The following CLPB variants were observed in gnomAD, a reference collection of about 807,000 sequenced individuals.
The protein encoded by CLPB is ClpB family mitochondrial disaggregase, also known as mitochondrial disaggregase.
CLPB carries 40 observed loss-of-function variants against 78.4 expected under a neutral mutation model. The ratio of observed to expected loss-of-function variants is 0.51; its 90% CI spans 0.40 to 0.66. The LOEUF is 0.66. Ranked by LOEUF, CLPB falls within the 30% of genes least tolerant of loss-of-function variation. CLPB has a pLI of 0.00. For missense variants in CLPB, 780 were observed against 886.9 expected (o/e 0.88, Z 1.53); for synonymous variants, 333 against 348.0 (o/e 0.96, Z 0.48).
intron 2 of CLPB, among the ~76,000 whole-genome samples, chr11:72,412,640 A>G (rs936681170): frequency 3.3e-5 from 5 of 152,186 alleles, no homozygotes; most frequent in African/African-American, 1.2e-4. Flanking sequence ...ACCCTCTCTG[A>G]ACCTCAGTCA....
intron 2 of CLPB, among the ~76,000 whole-genome samples, chr11:72,418,203 C>CA (rs2135130072): frequency 6.6e-6 from 1 of 152,294 alleles, no homozygotes; most frequent in East Asian, 1.9e-4. Context: ...ATCAACGGGC[C>CA]AGACTCCATC....
rs750691360 is a variant in CLPB at position 72,430,406 on chromosome 11, T to C, written c.404-43A>G. ...ACTGGTCAGATCCGCGGCCAGGACA[T>C]ACCCATCTCAGGACTGCGTGGAGGG... On this transcript the variant is annotated intron_variant, in intron 1 of 15. Transcript: ENST00000538039. The C allele has an allele frequency of 5.6e-6, 9 of 1,598,682 alleles. No individual in the cohort carries two copies. The African/African-American group carries it at 9.4e-5, about 17-fold the overall frequency.
intron 3 of CLPB, among the ~76,000 whole-genome samples, chr11:72,387,219 T>C (rs1289242825): frequency 2.0e-5 from 3 of 152,166 alleles, no homozygotes; most frequent in South Asian, 2.1e-4. Context: ...TGTCTTACTA[T>C]AGAATGAAAA....
intron 7 of CLPB, among the ~76,000 whole-genome samples, chr11:72,308,847 G>A (rs1949792783): frequency 6.6e-6 from 1 of 152,178 alleles, no homozygotes; most frequent in East Asian, 1.9e-4. Flanking sequence ...TTTCCAGGAT[G>A]AGCACTCAGC....
intron 5 of CLPB, chr11:72,356,876 T>C (rs1453348302): frequency 6.6e-6 from 1 of 152,322 alleles, no homozygotes; most frequent in Non-Finnish European, 1.5e-5. Context: ...TACTGGACAA[T>C]AGCTGGGAGT....
At chr11:72,293,743 C>T (rs1251173664) in intron 15 of CLPB, 128 bp from the exon 16 acceptor site, 2 of 1,186,472 alleles carry the variant, frequency 1.7e-6, no homozygotes, top group African/African-American at 3.1e-5. Flanking sequence ...TCTCATTTGC[C>T]AATTGGGGCT....
intron 4 of CLPB, chr11:72,373,132 G>A: frequency 1.3e-6 from 1 of 749,256 alleles, no homozygotes; most frequent in Admixed American, 2.4e-5. Flanking sequence ...CCCCCAGAAG[G>A]GCCCTATGCC....
chr11:72,383,252 C>T (rs1025849952), intron 3 of CLPB, among the ~76,000 whole-genome samples: 9 of 151,856 alleles, frequency 5.9e-5, no homozygotes, highest in Non-Finnish European at 1.2e-4. Context: ...AGGCTGGGTG[C>T]GGTGGCTCGC....
intron 5 of CLPB, among the ~76,000 whole-genome samples, chr11:72,340,049 G>A (rs1201817400): frequency 1.3e-5 from 2 of 152,154 alleles, no homozygotes. Flanking sequence ...AAGTGGCTGT[G>A]GTGTCAGGGT....
chr11:72,417,741 A>C (rs1010412566), intron 2 of CLPB, among the ~76,000 whole-genome samples: 1 of 152,104 alleles, frequency 6.6e-6, no homozygotes, highest in Non-Finnish European at 1.5e-5. Flanking sequence ...TAAAGTGGGG[A>C]CCTGAATACT....
At chr11:72,293,754 A>G in intron 15 of CLPB, 139 bp from the exon 16 acceptor site, 1 of 1,084,732 alleles carries the variant, frequency 9.2e-7, no homozygotes, top group Non-Finnish European at 1.3e-6. Flanking sequence ...AATTGGGGCT[A>G]ATAACAGCTA....
chr11:72,302,704 G>A (rs982833761), intron 9 of CLPB: 1 of 293,544 alleles, frequency 3.4e-6, no homozygotes, highest in African/African-American at 2.2e-5. Flanking sequence ...CTGGACACCG[G>A]AGTTACAACA....
intron 4 of CLPB, among the ~76,000 whole-genome samples, chr11:72,361,277 G>C (rs1316521014): frequency 1.3e-5 from 2 of 152,170 alleles, no homozygotes; most frequent in Non-Finnish European, 2.9e-5. Context: ...TGAACCCCCT[G>C]CTCCTGCCCC....
chr11:72,371,112 G>A (rs1034061631), intron 4 of CLPB, among the ~76,000 whole-genome samples: 1 of 152,092 alleles, frequency 6.6e-6, no homozygotes, highest in African/African-American at 2.4e-5. Context: ...CACCCAGGCT[G>A]GAGTGCAGTG....
In CLPB at chr11:72,420,898, G is replaced by A. The variant is rs183192893; in HGVS notation, c.455+9414C>T. Among the ~76,000 whole-genome samples, 9 of 152,292 alleles carry A rather than the reference G, an allele frequency of 5.9e-5. No individual in the cohort carries two copies. In the East Asian group the frequency reaches 1.2e-3, roughly 20 times the overall value. On this transcript the variant is annotated intron_variant, in intron 2 of 15. Transcript: ENST00000538039. ...TACCCAGCAGAACGCAGTGGCTCAC[G>A]CCTGTAATCCCAGCACTTTGGGAGG...
At chr11:72,410,051 A>C (rs1211213782) in intron 2 of CLPB, among the ~76,000 whole-genome samples, 1 of 152,002 alleles carries the variant, frequency 6.6e-6, no homozygotes, top group Non-Finnish European at 1.5e-5. Context: ...CAACATGGTA[A>C]AACCCCATCT....
At chr11:72,310,645 G>A (rs951361421) in intron 7 of CLPB, among the ~76,000 whole-genome samples, 3 of 152,212 alleles carry the variant, frequency 2.0e-5, no homozygotes, top group Non-Finnish European at 4.4e-5. Context: ...CGTGAAAGGA[G>A]CCGTGTTCTT....
intron 9 of CLPB, chr11:72,302,662 A>C: frequency 2.9e-6 from 1 of 343,464 alleles, no homozygotes; most frequent in Non-Finnish European, 5.6e-6. Flanking sequence ...CCATCCATCC[A>C]TTCCACGTTT....
At position 72,336,809 on chromosome 11, in the gene CLPB, T is replaced by C. The variant is rs543212289; in HGVS notation, c.776-7005A>G. 12 of 330,406 alleles carry C rather than the reference T, an allele frequency of 3.6e-5. No homozygotes were observed. The South Asian group carries it at 6.2e-4, about 17-fold the overall frequency. The allele number at this position is 330,406 out of a possible 1,614,324, so 20.5% of individuals were successfully genotyped here. ...TTATGAGCTCCCCATCAAGGAAACA[T>C]TGAGAGAGAGAGTGGCAGGATGACC... On this transcript the variant is annotated intron_variant, in intron 5 of 15. Coordinates refer to ENST00000538039, the MANE Select transcript of CLPB (RefSeq NM_001258392.3).
Sources: allele counts gnomAD v4.1 joint callset (sites outside exome capture counted in the v4.1 genomes callset), GRCh38; gene constraint gnomAD v4.1.1; transcripts MANE v1.5; gene names NCBI Gene and HGNC (gene_info 2026-07-23, HGNC 2026-07-21).